Variants in CPD observed in about 807,000 individuals in gnomAD.
CPD encodes carboxypeptidase D.
In CPD, 69 loss-of-function variants were observed where a neutral mutation model predicts 138.3. The ratio of observed to expected loss-of-function variants is 0.50; its 90% CI spans 0.41 to 0.61. The LOEUF (loss-of-function observed/expected upper bound fraction) is 0.61, where lower values mean the gene tolerates loss of function less well. CPD is among the 20% of genes least tolerant of loss of function. The pLI is 0.00. For synonymous variants in CPD, 651 were observed against 642.1 expected (o/e 1.01, Z -0.21); for missense variants, 1,432 against 1,733.3 (o/e 0.83, Z 3.09).
chr17:30,400,885 G>T (rs1911641892), intron 2 of CPD, among the ~76,000 whole-genome samples: 1 of 147,852 alleles, frequency 6.8e-6, no homozygotes, highest in African/African-American at 2.5e-5. Context: ...CACCATGTTA[G>T]CCAAGATAGT....
intron 17 of CPD, among the ~76,000 whole-genome samples, chr17:30,460,781 A>G (rs552390911): frequency 2.0e-5 from 3 of 152,316 alleles, no homozygotes; most frequent in East Asian, 1.9e-4. Flanking sequence ...GGTTGAGGGT[A>G]TGAGAGAGCT....
At chr17:30,402,058 CT>C (rs952407734) in intron 2 of CPD, among the ~76,000 whole-genome samples, 4 of 143,236 alleles carry the variant, frequency 2.8e-5, no homozygotes, top group Admixed American at 7.0e-5. Context: ...TTTTTCAGAT[CT>C]TTTTTTCTTC....
At chr17:30,408,291 C>T (rs1275347548) in intron 2 of CPD, among the ~76,000 whole-genome samples, 1 of 152,124 alleles carries the variant, frequency 6.6e-6, no homozygotes, top group African/African-American at 2.4e-5. Context: ...GCTATGCAGG[C>T]TCTTATTTGG....
At chr17:30,398,123 G>T (rs148120408) in intron 2 of CPD, among the ~76,000 whole-genome samples, 3 of 151,724 alleles carry the variant, frequency 2.0e-5, no homozygotes, top group Non-Finnish European at 4.4e-5. Context: ...TTTGTGAAGC[G>T]TCGCATATTT....
At chr17:30,461,710 A>T (rs1913478935) in intron 18 of CPD, among the ~76,000 whole-genome samples, 167 bp from the exon 19 acceptor site, 1 of 152,170 alleles carries the variant, frequency 6.6e-6, no homozygotes, top group Non-Finnish European at 1.5e-5. Flanking sequence ...GGTCAGAGTC[A>T]GTGGGGAGGG....
intron 1 of CPD, among the ~76,000 whole-genome samples, chr17:30,383,081 G>A (rs543671713): frequency 2.7e-4 from 41 of 152,290 alleles, no homozygotes; most frequent in African/African-American, 9.4e-4. Flanking sequence ...AGCTATAGGG[G>A]AGAGGTGGTT....
chr17:30,398,014 CAAA>C (rs199680962), intron 2 of CPD, among the ~76,000 whole-genome samples: 1 of 93,862 alleles, frequency 1.1e-5, no homozygotes, highest in African/African-American at 4.1e-5. Flanking sequence ...ACTGTCTCTA[CAAA>C]AAAAAAAAAA....
At chr17:30,415,145 A>T (rs1912071414) in intron 2 of CPD, among the ~76,000 whole-genome samples, 1 of 152,136 alleles carries the variant, frequency 6.6e-6, no homozygotes, top group Non-Finnish European at 1.5e-5. Context: ...TCAAGCCTAA[A>T]ATCTAGAAGT....
chr17:30,411,685 C>G lies in CPD; in HGVS notation c.995-9156C>G, dbSNP rs12450699. 1.0e-3 allele frequency among the ~76,000 whole-genome samples: 152 copies of G among 152,266 alleles called. 1 individual carries two copies. In the East Asian group the frequency reaches 0.019, roughly 19 times the overall value. On this transcript the variant is annotated intron_variant, in intron 2 of 20. Coordinates refer to ENST00000225719, the MANE Select transcript of CPD (RefSeq NM_001304.5). ...GCTTGTGCATGCGTCATGAAGTTCT[C>G]GTACTGTGGTTTTCAGCTCCATCAG...
intron 9 of CPD, among the ~76,000 whole-genome samples, chr17:30,439,858 G>A (rs1243470615): frequency 7.9e-4 from 20 of 25,294 alleles, no homozygotes; most frequent in Non-Finnish European, 1.1e-3. Flanking sequence ...GAATAATGCC[G>A]CAATAAACAT....
Position 30,379,733 on chromosome 17 carries a change from G to A in CPD, c.746+7G>A, listed in dbSNP as rs764724603. 5 of 1,465,034 alleles carry A rather than the reference G, an allele frequency of 3.4e-6. No homozygotes were observed. In the South Asian group the frequency reaches 5.6e-5, roughly 16 times the overall value. 90.8% of individuals were successfully genotyped at this position (1,465,034 alleles called of 1,614,324 possible). A position where few individuals can be genotyped will look rare whatever the true frequency, so the allele number is the denominator to read the frequency against. The stretch of plus-strand genomic sequence containing the variant: ...AGTGGATCCGCAGGAACAAGTGAGT[G>A]TTGCCTGCCCCCTCCCCGTCCGTGT... On this transcript the variant is annotated splice_region_variant and intron_variant, in intron 1 of 20. Transcript: ENST00000225719. The surrounding 1 kb of genome is among the most constrained non-coding windows in gnomAD (Gnocchi z 7.0).
rs1913628851 is a variant in CPD at position 30,466,087 on chromosome 17, A to G, written c.*1273A>G. The stretch of plus-strand genomic sequence containing the variant: ...GTGTGAAAGTGTCATCTTCACTGCC[A>G]ATCAGGCAAAGACCGGAAAGATTTG... On this transcript the variant is annotated 3_prime_UTR_variant, in exon 21 of 21. Transcript: ENST00000225719. 6.6e-6 allele frequency: 1 copy of G among 152,658 alleles called. No homozygotes were observed. Among genetic ancestry groups the G allele is most frequent in the African/African-American group, 2.4e-5 (1 of 41,476 alleles). The allele number at this position is 152,658 out of a possible 1,614,324, so 9.5% of individuals were successfully genotyped here.
chr17:30,444,225 G>C (rs551958654), intron 11 of CPD: 18 of 310,642 alleles, frequency 5.8e-5, no homozygotes, highest in Admixed American at 5.3e-4. Flanking sequence ...CTTCCAACCT[G>C]GACATTAAAC....
chr17:30,439,030 AT>A lies in CPD; in HGVS notation c.2187del (p.Pro730LeufsTer4). Reference protein sequence around the residue: ...RPCKNMYPNEYFPHGITNGAS... With the variant: ...RPCKNMYPNEXFPHGITNGAS... ...TGCAAGAATATGTATCCTAATGAAT[AT>A]TTTCCTCATGGAATAACAAATGGAG... On this transcript the variant is annotated frameshift_variant, in exon 9 of 21. Coordinates refer to ENST00000225719, the MANE Select transcript of CPD (RefSeq NM_001304.5). LOFTEE classifies it high-confidence loss of function. 6.3e-7 allele frequency: 1 copy of A among 1,590,990 alleles called. No individual in the cohort carries two copies. Among genetic ancestry groups the A allele is most frequent in the Non-Finnish European group, 8.5e-7 (1 of 1,173,488 alleles).
intron 8 of CPD, among the ~76,000 whole-genome samples, chr17:30,435,431 A>C (rs1912673686): frequency 6.6e-6 from 1 of 152,114 alleles, no homozygotes; most frequent in African/African-American, 2.4e-5. Flanking sequence ...TTTTTAAATA[A>C]ATGGTGCTGG....
At chr17:30,385,875 G>A (rs987740083) in intron 2 of CPD, among the ~76,000 whole-genome samples, 1 of 151,294 alleles carries the variant, frequency 6.6e-6, no homozygotes, top group Non-Finnish European at 1.5e-5. Context: ...CTTTCTTCAT[G>A]GTAAGATTAG....
chr17:30,456,158 T>C, intron 15 of CPD, 98 bp from the exon 16 acceptor site: 3 of 894,432 alleles, frequency 3.4e-6, no homozygotes, highest in Admixed American at 2.6e-5. Flanking sequence ...GTGCAAAATT[T>C]ATTAGGAGAA....
chr17:30,384,861 T>C (rs1470405321), intron 1 of CPD, 128 bp from the exon 2 acceptor site: 16 of 954,750 alleles, frequency 1.7e-5, no homozygotes, highest in South Asian at 4.9e-5. Flanking sequence ...TAACAGCTGA[T>C]AGAGTTGTTT....
intron 2 of CPD, among the ~76,000 whole-genome samples, chr17:30,407,406 G>A (rs1483407906): frequency 6.6e-6 from 1 of 152,178 alleles, no homozygotes; most frequent in Non-Finnish European, 1.5e-5. Context: ...CTTCCACAAT[G>A]GTTGAACTAA....
Sources: allele counts gnomAD v4.1 joint callset (sites outside exome capture counted in the v4.1 genomes callset), GRCh38; gene constraint gnomAD v4.1.1; non-coding constraint Gnocchi (gnomAD v3.1); transcripts MANE v1.5; gene names NCBI Gene and HGNC (gene_info 2026-07-23, HGNC 2026-07-21).